The following NAA50 variants were observed in gnomAD, a reference collection of about 807,000 sequenced individuals.
NAA50 encodes N-alpha-acetyltransferase 50.
NAA50 carries 7 observed loss-of-function variants against 20.7 expected under a neutral mutation model. The ratio of observed to expected loss-of-function variants is 0.34; its 90% CI spans 0.19 to 0.63. The LOEUF is 0.63. Among genes scored for constraint, NAA50 ranks in the 30% least tolerant of loss-of-function variants. The probability of loss-of-function intolerance (pLI) is 0.75; values close to 1 mark genes in which losing one functional copy is unlikely to be tolerated. For synonymous variants in NAA50, 54 were observed against 70.6 expected, an observed-to-expected ratio of 0.77 and a Z score of 1.18; for missense variants, 111 against 199.1, an observed-to-expected ratio of 0.56 and a Z score of 2.66.
At chr3:113,742,347 G>C (rs1212822660) in intron 1 of NAA50, among the ~76,000 whole-genome samples, 1 of 151,706 alleles carries the variant, frequency 6.6e-6, no homozygotes, top group East Asian at 1.9e-4. Context: ...CTGCAGCCTT[G>C]AACTCCTGGG....
At chr3:113,745,444 T>TC (rs1036213663) in intron 1 of NAA50, among the ~76,000 whole-genome samples, 36 of 152,252 alleles carry the variant, frequency 2.4e-4, no homozygotes, top group African/African-American at 8.4e-4. Context: ...TTAATACTCA[T>TC]CCCCGTGCTC....
intron 4 of NAA50, among the ~76,000 whole-genome samples, chr3:113,722,678 C>T (rs888568821): frequency 1.3e-5 from 2 of 152,090 alleles, no homozygotes. Context: ...GACTTTGGTG[C>T]TCTCATCCTA....
intron 1 of NAA50, among the ~76,000 whole-genome samples, chr3:113,726,894 A>C (rs1708206036): frequency 6.6e-6 from 1 of 152,212 alleles, no homozygotes; most frequent in Non-Finnish European, 1.5e-5. Flanking sequence ...TCTCAGGCTC[A>C]AGTGATCTTC....
intron 1 of NAA50, among the ~76,000 whole-genome samples, chr3:113,736,511 A>T (rs1708344614): frequency 6.6e-6 from 1 of 152,228 alleles, no homozygotes; most frequent in Admixed American, 6.5e-5. Flanking sequence ...CCTATAAATC[A>T]AGCAGTGTGA....
At chr3:113,742,425 CTTT>C (rs770744656) in intron 1 of NAA50, among the ~76,000 whole-genome samples, 5 of 130,202 alleles carry the variant, frequency 3.8e-5, no homozygotes, top group Non-Finnish European at 3.3e-5. Context: ...GCATGCCTGG[CTTT>C]TTTTTTTTTT....
In NAA50 at chr3:113,723,944, A is replaced by AAAACTATATTAT; in HGVS notation, c.145+3_145+14dup. 1 of 1,537,506 alleles carries AAAACTATATTAT rather than the reference A, an allele frequency of 6.5e-7. No individual in the cohort carries two copies. The highest frequency in any genetic ancestry group is 8.7e-7 in the Non-Finnish European group (1 of 1,143,748). The stretch of plus-strand genomic sequence containing the variant: ...AAAGAAAAGAAGGGAGGACAAAAAA[A>AAAACTATATTAT]AAACTATATTATACCAAGTTTTGCT... On this transcript the variant is annotated intron_variant, in intron 2 of 4. Transcript: ENST00000240922.
chr3:113,723,239 A>G (rs971337566), intron 3 of NAA50, among the ~76,000 whole-genome samples, 183 bp downstream of exon 3: 1 of 152,200 alleles, frequency 6.6e-6, no homozygotes, highest in Non-Finnish European at 1.5e-5. Context: ...CAGCAAATCT[A>G]TGTAGGGCTT....
rs181302295 is a variant in NAA50 at position 113,742,552 on chromosome 3, T to C, written c.8+3390A>G. Among the ~76,000 whole-genome samples the C allele has an allele frequency of 4.6e-3, 695 of 152,174 alleles. 15 individuals are homozygous for C. Among genetic ancestry groups the C allele is most frequent in the Admixed American group, 0.034 (514 of 15,298 alleles). ...GTGATTCTCCTGGCTGCTTTATTGT[T>C]TGTAGAGACAAGGTCTCACTATGCT... On this transcript the variant is annotated intron_variant, in intron 1 of 4. Transcript: ENST00000240922.
chr3:113,745,579 C>CA lies in NAA50; in HGVS notation c.8+362dup, dbSNP rs1288196825. ...GAGGTGGAAGACAACCAAACCACTC[C>CA]ACCTGGAGCTGCGGGCCGGCGTGGC... On this transcript the variant is annotated intron_variant, in intron 1 of 4. Coordinates refer to ENST00000240922, the MANE Select transcript of NAA50 (RefSeq NM_025146.4). Among the ~76,000 whole-genome samples the CA allele has an allele frequency of 2.0e-5, 3 of 152,170 alleles. No individual in the cohort carries two copies. The East Asian group carries it at 5.8e-4, about 29-fold the overall frequency.
intron 1 of NAA50, among the ~76,000 whole-genome samples, chr3:113,739,197 C>A (rs1340549373): frequency 6.6e-6 from 1 of 152,202 alleles, no homozygotes; most frequent in African/African-American, 2.4e-5. Context: ...TTATTTCTAT[C>A]ATTTTAATGT....
chr3:113,745,863 C>T, intron 1 of NAA50, 79 bp downstream of exon 1: 3 of 1,508,180 alleles, frequency 2.0e-6, no homozygotes, highest in African/African-American at 1.4e-5. Context: ...CTCTCCTCGC[C>T]TTTGCGGCTC....
intron 1 of NAA50, among the ~76,000 whole-genome samples, chr3:113,744,484 A>G (rs1708462655): frequency 6.6e-6 from 1 of 151,954 alleles, no homozygotes; most frequent in Non-Finnish European, 1.5e-5. Flanking sequence ...AAAAAATGAA[A>G]AGAACAAAAC....
Position 113,723,392 on chromosome 3 carries a change from TGAA to T in NAA50, c.265+27_265+29del, listed in dbSNP as rs570466018. 953 of 1,587,720 alleles carry T rather than the reference TGAA, an allele frequency of 6.0e-4. 8 individuals carry two copies. In the African/African-American group the frequency reaches 0.011, roughly 18 times the overall value. On this transcript the variant is annotated intron_variant, in intron 3 of 4. Coordinates refer to ENST00000240922, the MANE Select transcript of NAA50 (RefSeq NM_025146.4). The stretch of plus-strand genomic sequence containing the variant: ...AACAAATAATATGTTTATGCTTCTC[TGAA>T]GAAGTAAAAAAACCACAATTTTTTA...
chr3:113,742,348 A>T (rs1708429228), intron 1 of NAA50, among the ~76,000 whole-genome samples: 1 of 152,034 alleles, frequency 6.6e-6, no homozygotes, highest in Non-Finnish European at 1.5e-5. Flanking sequence ...TGCAGCCTTG[A>T]ACTCCTGGGC....
intron 1 of NAA50, among the ~76,000 whole-genome samples, chr3:113,729,099 C>A (rs557407870): frequency 2.7e-4 from 41 of 152,066 alleles, no homozygotes; most frequent in Middle Eastern, 6.8e-3. Flanking sequence ...AATCCTCCTG[C>A]CTCAGCCTCC....
At chr3:113,745,300 A>C (rs1708475677) in intron 1 of NAA50, among the ~76,000 whole-genome samples, 1 of 152,106 alleles carries the variant, frequency 6.6e-6, no homozygotes, top group Non-Finnish European at 1.5e-5. Context: ...TGAACTACTG[A>C]AGCAACAGCT....
At chr3:113,745,413 A>G (rs2107998595) in intron 1 of NAA50, among the ~76,000 whole-genome samples, 1 of 152,076 alleles carries the variant, frequency 6.6e-6, no homozygotes, top group South Asian at 2.1e-4. Flanking sequence ...CCCAACCCAA[A>G]TCTAGTTGAG....
At chr3:113,741,289 CA>C in intron 1 of NAA50, 1 of 369,338 alleles carries the variant, frequency 2.7e-6, no homozygotes, top group Non-Finnish European at 5.3e-6. Context: ...CCACAGACCA[CA>C]AGGTACATTT....
At position 113,745,961 on chromosome 3, in the gene NAA50, G is replaced by A. The variant is rs763705497; in HGVS notation, c.-12C>T. On this transcript the variant is annotated 5_prime_UTR_variant, in exon 1 of 5. Coordinates refer to ENST00000240922, the MANE Select transcript of NAA50 (RefSeq NM_025146.4). ...CCTCACCCTTTCATCTTCCCCGCCT[G>A]CTGAGGCCGTCGTTACCACCGATAT... The A allele has an allele frequency of 6.2e-7, 1 of 1,605,390 alleles. No homozygotes were observed. Among genetic ancestry groups the A allele is most frequent in the Non-Finnish European group, 8.5e-7 (1 of 1,179,182 alleles).
Sources: gnomAD v4.1 joint callset for allele counts (sites outside exome capture counted in the v4.1 genomes callset) on GRCh38, gnomAD v4.1.1 for gene constraint, MANE v1.5 for transcripts, NCBI Gene and HGNC (gene_info 2026-07-23, HGNC 2026-07-21) for gene names.